SLCO1B1: variants seen among roughly 807,000 people sequenced by gnomAD.
SLCO1B1 encodes solute carrier organic anion transporter family member 1B1.
Under a neutral mutation model 70.1 loss-of-function variants are expected in SLCO1B1, and 81 were observed. The ratio of observed to expected loss-of-function variants is 1.16; its 90% CI spans 0.97 to 1.39. SLCO1B1 has a LOEUF of 1.39. Among genes scored for constraint, SLCO1B1 ranks in the 40% most tolerant of loss-of-function variants. The pLI, the probability that SLCO1B1 is intolerant of heterozygous loss-of-function variation, is 0.00. For missense variants in SLCO1B1, 895 were observed against 799.6 expected, an observed-to-expected ratio of 1.12 and a Z score of -1.44; for synonymous variants, 283 against 271.5, an observed-to-expected ratio of 1.04 and a Z score of -0.42.
intron 14 of SLCO1B1, among the ~76,000 whole-genome samples, chr12:21,236,328 C>T (rs1435644679): frequency 6.6e-6 from 1 of 152,130 alleles, no homozygotes; most frequent in Admixed American, 6.5e-5. Flanking sequence ...CTGTGCCTAC[C>T]AAAGTCAGAG....
intron 12 of SLCO1B1, 81 bp from the exon 13 acceptor site, chr12:21,222,219 C>T: frequency 1.7e-6 from 1 of 604,002 alleles, no homozygotes; most frequent in Non-Finnish European, 2.8e-6. Flanking sequence ...TGGAGAAAAA[C>T]AACACAGGAG....
chr12:21,214,438 T>C (rs1406307784), intron 11 of SLCO1B1, among the ~76,000 whole-genome samples: 1 of 147,004 alleles, frequency 6.8e-6, no homozygotes, highest in Non-Finnish European at 1.5e-5. Flanking sequence ...TCCAGCTGCG[T>C]GCCGGGAGAA....
chr12:21,157,288 T>G (rs1940554995), intron 2 of SLCO1B1, among the ~76,000 whole-genome samples: 2 of 152,100 alleles, frequency 1.3e-5, no homozygotes, highest in South Asian at 4.1e-4. Flanking sequence ...TAGCCAAGAA[T>G]ATAGTAAAGT....
chr12:21,147,977 AAT>A (rs1413941456), intron 2 of SLCO1B1, among the ~76,000 whole-genome samples: 1 of 151,978 alleles, frequency 6.6e-6, no homozygotes, highest in African/African-American at 2.4e-5. Flanking sequence ...GAGCTTTTTT[AAT>A]ATGTTTGTTG....
intron 9 of SLCO1B1, among the ~76,000 whole-genome samples, chr12:21,201,702 G>A (rs1483552040): frequency 6.6e-6 from 1 of 152,042 alleles, no homozygotes; most frequent in Non-Finnish European, 1.5e-5. Context: ...TTTTGTTGTT[G>A]TTTATTTCCA....
intron 2 of SLCO1B1, among the ~76,000 whole-genome samples, chr12:21,154,431 C>T (rs1018460753): frequency 6.6e-6 from 1 of 152,078 alleles, no homozygotes; most frequent in African/African-American, 2.4e-5. Flanking sequence ...TCAGACTTCC[C>T]AGGCTCCAGA....
chr12:21,176,174 C>A (rs1055317691), intron 4 of SLCO1B1, among the ~76,000 whole-genome samples: 2 of 152,078 alleles, frequency 1.3e-5, no homozygotes, highest in African/African-American at 4.8e-5. Context: ...TCCCTAAGTA[C>A]AAAAACTGTG....
At chr12:21,204,995 A>G (rs1661759743) in intron 10 of SLCO1B1, among the ~76,000 whole-genome samples, 1 of 151,808 alleles carries the variant, frequency 6.6e-6, no homozygotes, top group Admixed American at 6.6e-5. Context: ...AAACCATTCT[A>G]CTTAACCACT....
At chr12:21,229,771 A>AT (rs1181843894) in intron 14 of SLCO1B1, among the ~76,000 whole-genome samples, 1 of 152,124 alleles carries the variant, frequency 6.6e-6, no homozygotes, top group Non-Finnish European at 1.5e-5. Flanking sequence ...TTTGTCTGTT[A>AT]TTTTAAACTT....
At chr12:21,222,816 G>A (rs1941443792) in intron 13 of SLCO1B1, among the ~76,000 whole-genome samples, 2 of 152,056 alleles carry the variant, frequency 1.3e-5, no homozygotes, top group Non-Finnish European at 2.9e-5. Context: ...GGAAGCGTGG[G>A]AATCTGGTCA....
At chr12:21,186,212 G>T (rs1222000190) in intron 7 of SLCO1B1, among the ~76,000 whole-genome samples, 1 of 152,042 alleles carries the variant, frequency 6.6e-6, no homozygotes, top group Non-Finnish European at 1.5e-5. Flanking sequence ...CTCATCTACA[G>T]TCAAGAGAAG....
rs573613274 is a variant in SLCO1B1 at position 21,188,911 on chromosome 12, A to G, written c.728-8035A>G. 1.2e-4 allele frequency among the ~76,000 whole-genome samples: 18 copies of G among 152,300 alleles called. No individual in the cohort carries two copies. In the South Asian group the frequency reaches 3.7e-3, roughly 32 times the overall value. ...TGGTTCATTTTGCCTAATGTCCTCA[A>G]AGTTCATCCAAGTTATCACATATTG... is the stretch of plus-strand genomic sequence containing the variant. On this transcript the variant is annotated intron_variant, in intron 7 of 14. Coordinates refer to ENST00000256958, the MANE Select transcript of SLCO1B1 (RefSeq NM_006446.5).
At chr12:21,170,038 G>C (rs12313639) in intron 2 of SLCO1B1, among the ~76,000 whole-genome samples, 15,163 of 152,108 alleles carry the variant, frequency 0.1, 1,222 homozygotes, top group South Asian at 0.28. Context: ...AGGTACAGTG[G>C]CCTTTCTGGG....
intron 13 of SLCO1B1, among the ~76,000 whole-genome samples, chr12:21,224,313 A>C (rs1421581570): frequency 6.6e-6 from 1 of 152,034 alleles, no homozygotes; most frequent in African/African-American, 2.4e-5. Flanking sequence ...ACAGCAATTG[A>C]GCCAAGATCT....
chr12:21,231,664 T>C (rs1027920702), intron 14 of SLCO1B1, among the ~76,000 whole-genome samples: 18 of 151,798 alleles, frequency 1.2e-4, no homozygotes, highest in African/African-American at 4.4e-4. Context: ...CACACACACA[T>C]ATATATACAT....
At chr12:21,221,519 C>T (rs1222179401) in intron 12 of SLCO1B1, among the ~76,000 whole-genome samples, 4 of 152,008 alleles carry the variant, frequency 2.6e-5, no homozygotes, top group Non-Finnish European at 5.9e-5. Context: ...AACAATACAT[C>T]TGACAAAGGG....
chr12:21,189,237 C>T lies in SLCO1B1; in HGVS notation c.728-7709C>T, dbSNP rs192043587. On this transcript the variant is annotated intron_variant, in intron 7 of 14. Transcript: ENST00000256958. ...TTTTTGTATTCTACCAGCAGTGTAC[C>T]GTGTTCAAATATCTCCACATTCTTG... 8.0e-3 allele frequency among the ~76,000 whole-genome samples: 1,218 copies of T among 152,124 alleles called. 12 individuals are homozygous for T. The highest frequency in any genetic ancestry group is 0.027 in the African/African-American group (1,133 of 41,508).
chr12:21,222,423 TATATAC>T (rs1410126210), intron 13 of SLCO1B1, 59 bp downstream of exon 13: 1,662 of 145,730 alleles, frequency 0.011, 13 homozygotes, highest in South Asian at 0.013. Flanking sequence ...TATATATATA[TATATAC>T]ACACACACAT....
intron 2 of SLCO1B1, among the ~76,000 whole-genome samples, chr12:21,168,168 G>A (rs890184749): frequency 4.6e-5 from 7 of 151,768 alleles, no homozygotes; most frequent in African/African-American, 9.7e-5. Context: ...CTCTCCTTTC[G>A]TGACTGGCTT....
Sources: gnomAD v4.1 joint callset for allele counts (sites outside exome capture counted in the v4.1 genomes callset) on GRCh38, gnomAD v4.1.1 for gene constraint, MANE v1.5 for transcripts, NCBI Gene and HGNC (gene_info 2026-07-23, HGNC 2026-07-21) for gene names.